CD48: variants seen among roughly 807,000 people sequenced by gnomAD.
CD48 encodes the protein CD48 molecule, also known as CD48 antigen.
A neutral mutation model predicts 22.0 loss-of-function variants in CD48; 20 were observed. That is an observed-to-expected ratio of 0.91 (90% confidence interval 0.64 to 1.32). CD48 has a LOEUF of 1.32. Ranked by LOEUF, CD48 falls within the 40% of genes most tolerant of loss-of-function variation. The probability of loss-of-function intolerance (pLI) is 0.00; values close to 1 mark genes in which losing one functional copy is unlikely to be tolerated. For synonymous variants in CD48, 110 were observed against 110.1 expected, an observed-to-expected ratio of 1.00 and a Z score of 0.01; for missense variants, 307 against 286.5, an observed-to-expected ratio of 1.07 and a Z score of -0.52.
At chr1:160,706,835 G>T (rs1046355954) in intron 1 of CD48, among the ~76,000 whole-genome samples, 17 of 152,116 alleles carry the variant, frequency 1.1e-4, no homozygotes, top group Non-Finnish European at 2.5e-4. Flanking sequence ...CATAATCCCA[G>T]GACCATAGAG....
intron 1 of CD48, among the ~76,000 whole-genome samples, chr1:160,704,400 G>A (rs1662727399): frequency 6.6e-6 from 1 of 151,720 alleles, no homozygotes; most frequent in South Asian, 2.1e-4. Context: ...GGGGTTAGCG[G>A]GATACATGTA....
intron 3 of CD48, 51 bp from the exon 4 acceptor site, chr1:160,679,182 T>C (rs751383606): frequency 1.4e-6 from 2 of 1,463,336 alleles, no homozygotes; most frequent in African/African-American, 2.8e-5. Flanking sequence ...TCTTGACTAA[T>C]GTATTGAGAA....
chr1:160,703,952 C>T (rs994126401), intron 1 of CD48, among the ~76,000 whole-genome samples: 11 of 151,896 alleles, frequency 7.2e-5, no homozygotes, highest in Admixed American at 2.6e-4. Flanking sequence ...GAGACACAGT[C>T]AGAGAGGGAG....
intron 1 of CD48, among the ~76,000 whole-genome samples, chr1:160,704,015 G>GC (rs1662715924): frequency 1.3e-5 from 2 of 151,854 alleles, no homozygotes; most frequent in African/African-American, 2.4e-5. Context: ...GTCTTGTCCT[G>GC]TAAAAAAAAA....
At chr1:160,704,190 C>T (rs1662722803) in intron 1 of CD48, among the ~76,000 whole-genome samples, 1 of 152,164 alleles carries the variant, frequency 6.6e-6, no homozygotes, top group Non-Finnish European at 1.5e-5. Flanking sequence ...AGCTTCAGGG[C>T]TTCTTGGATG....
intron 1 of CD48, among the ~76,000 whole-genome samples, chr1:160,693,764 A>G (rs1329117524): frequency 1.3e-5 from 2 of 152,226 alleles, no homozygotes; most frequent in African/African-American, 4.8e-5. Flanking sequence ...AAAATGGGCA[A>G]CCATTGTCGG....
Position 160,678,853 on chromosome 1 carries a change from C to G in CD48, c.*199G>C, listed in dbSNP as rs1343235126. 1.9e-6 allele frequency: 1 copy of G among 536,810 alleles called. No homozygotes were observed. The highest frequency in any genetic ancestry group is 1.9e-5 in the African/African-American group (1 of 52,764). The allele number at this position is 536,810 out of a possible 1,614,324, so 33.3% of individuals were successfully genotyped here. On this transcript the variant is annotated 3_prime_UTR_variant, in exon 4 of 4. Coordinates refer to ENST00000368046, the MANE Select transcript of CD48 (RefSeq NM_001778.4). ...GAAAAAAGCATGTGTATCTCTATAT[C>G]TCTGTGTACTAGAAAACAACAAAGG...
rs1662682354 is a variant in CD48, at chr1:160,703,018, C to T, written c.82+8664G>A. 2.0e-5 allele frequency among the ~76,000 whole-genome samples: 3 copies of T among 152,174 alleles called. No homozygotes were observed. In the South Asian group the frequency reaches 6.2e-4, roughly 32 times the overall value. ...AAAGGAACAGGAGCTTGGCCTGGAGCGTGTAATTTATCCCAAGCTCTCATA... is the reference window on the plus strand; with the variant it reads ...AAAGGAACAGGAGCTTGGCCTGGAGTGTGTAATTTATCCCAAGCTCTCATA... On this transcript the variant is annotated intron_variant, in intron 1 of 3. Coordinates refer to ENST00000368046, the MANE Select transcript of CD48 (RefSeq NM_001778.4).
At chr1:160,703,453 G>A (rs931137584) in intron 1 of CD48, among the ~76,000 whole-genome samples, 10 of 152,120 alleles carry the variant, frequency 6.6e-5, no homozygotes, top group African/African-American at 2.4e-4. Flanking sequence ...GTGGATGGGG[G>A]ATGGCCTGGA....
chr1:160,705,956 A>C (rs996080788), intron 1 of CD48, among the ~76,000 whole-genome samples: 1 of 152,206 alleles, frequency 6.6e-6, no homozygotes, highest in African/African-American at 2.4e-5. Flanking sequence ...CTGGTTGAGA[A>C]GTACTGAGCT....
chr1:160,682,114 T>C (rs558426139), intron 2 of CD48, among the ~76,000 whole-genome samples: 4 of 152,144 alleles, frequency 2.6e-5, no homozygotes, highest in Non-Finnish European at 5.9e-5. Flanking sequence ...ATTCTATAAG[T>C]ATCTCATGAA....
intron 1 of CD48, among the ~76,000 whole-genome samples, chr1:160,711,170 A>C (rs1240052975): frequency 6.6e-6 from 1 of 152,178 alleles, no homozygotes; most frequent in African/African-American, 2.4e-5. Flanking sequence ...ACCCTCATTC[A>C]GAGACCCCAG....
At chr1:160,709,935 C>T (rs1662901616) in intron 1 of CD48, among the ~76,000 whole-genome samples, 1 of 152,102 alleles carries the variant, frequency 6.6e-6, no homozygotes, top group Admixed American at 6.6e-5. Flanking sequence ...CCTGAGGTTC[C>T]CATCTAACCA....
intron 1 of CD48, among the ~76,000 whole-genome samples, chr1:160,694,977 A>G (rs1489477559): frequency 1.3e-5 from 2 of 152,234 alleles, no homozygotes; most frequent in African/African-American, 4.8e-5. Context: ...GGCGTATGTT[A>G]ACTGACTTAA....
chr1:160,693,305 G>T (rs375905199), intron 1 of CD48, among the ~76,000 whole-genome samples: 1 of 145,420 alleles, frequency 6.9e-6, no homozygotes, highest in Non-Finnish European at 1.5e-5. Flanking sequence ...AGCCCGTAAG[G>T]TCATAGTGGA....
rs1048139187 is a variant in CD48 at position 160,680,531 on chromosome 1, A to T, written c.652+671T>A. The T allele has an allele frequency of 3.1e-6, 3 of 979,968 alleles. No individual in the cohort carries two copies. In the African/African-American group the frequency reaches 5.3e-5, roughly 17 times the overall value. 60.7% of individuals were successfully genotyped at this position (979,968 alleles called of 1,614,324 possible). Reference sequence around the variant, plus strand: ...CTAGAAGTGACCCCAGGTATGACTGACTCTAAAACCCATGGCCTTAGCTGT... The same window carrying T: ...CTAGAAGTGACCCCAGGTATGACTGTCTCTAAAACCCATGGCCTTAGCTGT... On this transcript the variant is annotated intron_variant, in intron 3 of 3. Transcript: ENST00000368046.
intron 1 of CD48, among the ~76,000 whole-genome samples, chr1:160,691,136 C>T (rs1216961105): frequency 1.3e-5 from 2 of 152,150 alleles, no homozygotes; most frequent in Non-Finnish European, 1.5e-5. Flanking sequence ...GGTTTCTCCC[C>T]ATGTGATAGT....
At chr1:160,710,145 C>T (rs10752639) in intron 1 of CD48, among the ~76,000 whole-genome samples, 94,398 of 152,022 alleles carry the variant, frequency 0.62, 29,667 homozygotes, top group Non-Finnish European at 0.67. Context: ...TTGACCTTCA[C>T]CAAGATTCCC....
intron 3 of CD48, 47 bp from the exon 4 acceptor site, chr1:160,679,178 CTAATGTATTGAG>C: frequency 1.3e-6 from 2 of 1,487,774 alleles, no homozygotes; most frequent in Non-Finnish European, 1.9e-6. Context: ...TTTATCTTGA[CTAATGTATTGAG>C]AAGGGGCAAG....
Sources: gnomAD v4.1 joint callset for allele counts (sites outside exome capture counted in the v4.1 genomes callset) on GRCh38, gnomAD v4.1.1 for gene constraint, MANE v1.5 for transcripts, NCBI Gene and HGNC (gene_info 2026-07-23, HGNC 2026-07-21) for gene names.